Variants in FMN1 observed in about 807,000 individuals in gnomAD.
FMN1 encodes the protein formin-1.
A neutral mutation model predicts 132.4 loss-of-function variants in FMN1; 110 were observed. That is an observed-to-expected ratio of 0.83 (90% confidence interval 0.71 to 0.97). FMN1 has a LOEUF of 0.97. Ranked by LOEUF, FMN1 falls within the 50% of genes least tolerant of loss-of-function variation. The probability of loss-of-function intolerance (pLI) is 0.00; values close to 1 mark genes in which losing one functional copy is unlikely to be tolerated. For synonymous variants in FMN1, 722 were observed against 651.7 expected, an observed-to-expected ratio of 1.11 and a Z score of -1.64; for missense variants, 1,792 against 1,705.3, an observed-to-expected ratio of 1.05 and a Z score of -0.90.
intron 18 of FMN1, 111 bp downstream of exon 18, chr15:32,804,170 T>C: frequency 1.3e-6 from 1 of 782,358 alleles, no homozygotes; most frequent in Non-Finnish European, 2.1e-6. Flanking sequence ...GTTGGGGAAG[T>C]AAAAATGTTT....
At chr15:32,988,656 T>C (rs2033235982) in intron 7 of FMN1, among the ~76,000 whole-genome samples, 1 of 152,182 alleles carries the variant, frequency 6.6e-6, no homozygotes, top group Non-Finnish European at 1.5e-5. Context: ...GCCTGCGTGG[T>C]CTTGAGCCCT....
rs1039352158 is a variant in FMN1 at position 33,154,916 on chromosome 15, A to T, written c.-2T>A. 6.6e-7 allele frequency: 1 copy of T among 1,524,642 alleles called. No homozygotes were observed. Among genetic ancestry groups the T allele is most frequent in the African/African-American group, 1.4e-5 (1 of 72,688 alleles). 94.4% of individuals were successfully genotyped at this position (1,524,642 alleles called of 1,614,324 possible). A position where few individuals can be genotyped will look rare whatever the true frequency, so the allele number is the denominator to read the frequency against. On this transcript the variant is annotated 5_prime_UTR_variant, in exon 4 of 21. Transcript: ENST00000616417. ...GAGGGTACAATGAGTGCCTTCCATT[A>T]TGCCTACCTAATTATTCATGCCTTG... is the stretch of plus-strand genomic sequence containing the variant.
chr15:32,806,919 C>T (rs894993377), intron 17 of FMN1, among the ~76,000 whole-genome samples: 1 of 152,196 alleles, frequency 6.6e-6, no homozygotes, highest in Non-Finnish European at 1.5e-5. Flanking sequence ...CCATAGCCTT[C>T]CCACAGCCTC....
At chr15:33,124,050 A>G (rs376092111) in intron 4 of FMN1, among the ~76,000 whole-genome samples, 129 of 152,332 alleles carry the variant, frequency 8.5e-4, no homozygotes, top group African/African-American at 2.8e-3. Context: ...TCTCTAGAGT[A>G]TAACTTAGAA....
intron 19 of FMN1, among the ~76,000 whole-genome samples, chr15:32,797,480 C>T (rs2057326519): frequency 6.6e-6 from 1 of 152,142 alleles, no homozygotes; most frequent in African/African-American, 2.4e-5. Flanking sequence ...CTTATTTTAG[C>T]TTACTTTAAA....
At chr15:32,840,528 C>T (rs970679249) in intron 17 of FMN1, among the ~76,000 whole-genome samples, 1 of 152,200 alleles carries the variant, frequency 6.6e-6, no homozygotes, top group Non-Finnish European at 1.5e-5. Flanking sequence ...AATCACTTTG[C>T]TTCAAAAACA....
At chr15:33,174,285 C>A (rs1965435763) in intron 3 of FMN1, among the ~76,000 whole-genome samples, 1 of 152,230 alleles carries the variant, frequency 6.6e-6, no homozygotes, top group Admixed American at 6.5e-5. Flanking sequence ...ATGTTGATGA[C>A]TAATTGACAG....
At chr15:33,123,390 G>A (rs1454595356) in intron 4 of FMN1, among the ~76,000 whole-genome samples, 1 of 152,052 alleles carries the variant, frequency 6.6e-6, no homozygotes, top group East Asian at 1.9e-4. Flanking sequence ...GCACTATATA[G>A]TATACAGACT....
intron 4 of FMN1, among the ~76,000 whole-genome samples, chr15:33,125,129 G>T (rs1454957834): frequency 6.6e-6 from 1 of 152,140 alleles, no homozygotes; most frequent in African/African-American, 2.4e-5. Context: ...CATCTAGGGA[G>T]GCCAAATGAT....
At chr15:33,115,960 A>G (rs1042504814) in intron 4 of FMN1, among the ~76,000 whole-genome samples, 3 of 152,178 alleles carry the variant, frequency 2.0e-5, no homozygotes, top group Non-Finnish European at 4.4e-5. Context: ...GCTTGCAATA[A>G]TAGTAAGTTT....
At chr15:33,167,344 C>T (rs1009483072) in intron 3 of FMN1, among the ~76,000 whole-genome samples, 6 of 152,324 alleles carry the variant, frequency 3.9e-5, no homozygotes, top group South Asian at 2.1e-4. Flanking sequence ...CTTTACTTCT[C>T]CTTTGCCTTC....
At chr15:33,123,599 G>A (rs75712366) in intron 4 of FMN1, among the ~76,000 whole-genome samples, 9,325 of 152,204 alleles carry the variant, frequency 0.061, 303 homozygotes, top group Middle Eastern at 0.11. Context: ...TGGTATGGGG[G>A]TACAGGTTAT....
In FMN1 at chr15:32,766,043, G is replaced by T. The variant is rs546990735; in HGVS notation, c.*8267C>A. The T allele has an allele frequency of 6.6e-6, 1 of 152,288 alleles. No homozygotes were observed. The highest frequency in any genetic ancestry group is 2.1e-4 in the South Asian group (1 of 4,826). The allele number at this position is 152,288 out of a possible 1,614,324, so 9.4% of individuals were successfully genotyped here. On this transcript the variant is annotated 3_prime_UTR_variant, in exon 21 of 21. Transcript: ENST00000616417. ...ATGCTTAAAAATATCCCAAGAGCGTGTAAGGTTTCATGTCTTTAAAGGGCC... is the reference window on the plus strand; with the variant it reads ...ATGCTTAAAAATATCCCAAGAGCGTTTAAGGTTTCATGTCTTTAAAGGGCC...
rs753267992 is a variant in FMN1, at chr15:32,910,456, T to C, written c.3288+18A>G. The C allele has an allele frequency of 7.1e-6, 11 of 1,550,390 alleles. No homozygotes were observed. The highest frequency in any genetic ancestry group is 6.1e-6 in the Non-Finnish European group (7 of 1,139,898). ...GATAAATATGGAAATACTAGCTCTGTAAGTCTTTGACACTCACGTTTTCAT... is the reference window on the plus strand; with the variant it reads ...GATAAATATGGAAATACTAGCTCTGCAAGTCTTTGACACTCACGTTTTCAT... On this transcript the variant is annotated intron_variant, in intron 11 of 20. Transcript: ENST00000616417.
chr15:33,013,428 G>A (rs920230054), intron 6 of FMN1, among the ~76,000 whole-genome samples: 10 of 152,152 alleles, frequency 6.6e-5, no homozygotes, highest in African/African-American at 2.2e-4. Context: ...AGAAAGACTA[G>A]CAAGCAATAA....
chr15:32,954,740 T>A (rs2061726608), intron 9 of FMN1, among the ~76,000 whole-genome samples: 1 of 151,940 alleles, frequency 6.6e-6, no homozygotes. Context: ...GCACGGAGGC[T>A]CACGCCTGTA....
intron 6 of FMN1, among the ~76,000 whole-genome samples, chr15:33,051,817 G>A (rs1345277372): frequency 1.3e-5 from 2 of 152,202 alleles, no homozygotes; most frequent in Non-Finnish European, 2.9e-5. Context: ...GGAATCCGGG[G>A]AGAAGGACGC....
At chr15:33,078,844 A>G (rs2038332281) in intron 5 of FMN1, among the ~76,000 whole-genome samples, 1 of 152,212 alleles carries the variant, frequency 6.6e-6, no homozygotes, top group Non-Finnish European at 1.5e-5. Flanking sequence ...CACATGGAGT[A>G]TAAATGACGT....
At position 33,153,884 on chromosome 15, in the gene FMN1, A is replaced by G; in HGVS notation, c.1031T>C (p.Val344Ala). 1 of 1,536,728 alleles carries G rather than the reference A, an allele frequency of 6.5e-7. No individual in the cohort carries two copies. Among genetic ancestry groups the G allele is most frequent in the Non-Finnish European group, 8.7e-7 (1 of 1,147,058 alleles). The change falls in exon 4 of 21, where the codon GTT (valine) becomes GCT (alanine). Residue 344 changes from valine to alanine, a missense_variant. Physicochemically the swap from Val to Ala is moderately conservative, Grantham distance 64. This residue lies in a region of FMN1 where 638 missense variants were observed against 645.2 expected (regional missense o/e 0.99). Coordinates refer to ENST00000616417, the MANE Select transcript of FMN1 (RefSeq NM_001277313.2). The part of the protein sequence containing the change: ...QDLSSQVQRV[V>A]KTHSKGKETI... ...CTCCTTACCCTTAGAATGCGTTTTA[A>G]CTACTCTTTGTACCTGGGAGGACAG... is the stretch of plus-strand genomic sequence containing the variant.
Sources: allele counts gnomAD v4.1 joint callset (sites outside exome capture counted in the v4.1 genomes callset), GRCh38; gene constraint gnomAD v4.1.1; regional missense constraint gnomAD v4.1.1; transcripts MANE v1.5; gene names NCBI Gene and HGNC (gene_info 2026-07-23, HGNC 2026-07-21).